FOXN1: variants seen among roughly 807,000 people sequenced by gnomAD.
FOXN1 encodes the protein forkhead box N1.
A neutral mutation model predicts 49.0 loss-of-function variants in FOXN1; 15 were observed. The ratio of observed to expected loss-of-function variants is 0.31; its 90% CI spans 0.20 to 0.47. The LOEUF (loss-of-function observed/expected upper bound fraction) is 0.47. Ranked by LOEUF, FOXN1 falls within the 20% of genes least tolerant of loss-of-function variation. The pLI is 1.00. For missense variants in FOXN1, 800 were observed against 842.8 expected (o/e 0.95, Z 0.63); for synonymous variants, 356 against 369.0 (o/e 0.96, Z 0.40).
intron 1 of FOXN1, among the ~76,000 whole-genome samples, chr17:28,506,743 C>T (rs1326598413): frequency 1.3e-5 from 2 of 152,174 alleles, no homozygotes; most frequent in Admixed American, 6.5e-5. Flanking sequence ...TGGAGATGCG[C>T]TCACCCACCC....
intron 1 of FOXN1, among the ~76,000 whole-genome samples, chr17:28,523,184 G>T (rs1357517003): frequency 6.6e-6 from 1 of 152,218 alleles, no homozygotes; most frequent in Non-Finnish European, 1.5e-5. Context: ...AAGGCTCTAG[G>T]TCTTCATGGG....
chr17:28,513,787 G>A (rs1175564495), intron 1 of FOXN1, among the ~76,000 whole-genome samples: 1 of 152,256 alleles, frequency 6.6e-6, no homozygotes, highest in Non-Finnish European at 1.5e-5. Context: ...CACTGTGAGT[G>A]CTTGGATTTG....
At chr17:28,535,593 A>G (rs1421526275) in intron 8 of FOXN1, among the ~76,000 whole-genome samples, 1 of 152,208 alleles carries the variant, frequency 6.6e-6, no homozygotes, top group Non-Finnish European at 1.5e-5. Context: ...CTATTTAAAA[A>G]TGCAAAAATT....
intron 2 of FOXN1, 107 bp downstream of exon 2, chr17:28,524,199 T>C: frequency 8.4e-7 from 1 of 1,187,398 alleles, no homozygotes; most frequent in Non-Finnish European, 1.2e-6. Context: ...AGGGCCTGTC[T>C]TGTCCCCTCC....
At chr17:28,515,545 G>A (rs2069476803) in intron 1 of FOXN1, among the ~76,000 whole-genome samples, 1 of 150,740 alleles carries the variant, frequency 6.6e-6, no homozygotes, top group Non-Finnish European at 1.5e-5. Context: ...ACCCCTCCAT[G>A]TGGTACATGC....
chr17:28,515,201 T>C (rs2151477727), intron 1 of FOXN1, among the ~76,000 whole-genome samples: 1 of 152,110 alleles, frequency 6.6e-6, no homozygotes, highest in Non-Finnish European at 1.5e-5. Flanking sequence ...TGCTGACAGC[T>C]CTGTGGGCCA....
chr17:28,530,673 C>A (rs2069889398), intron 5 of FOXN1, 76 bp from the exon 6 acceptor site: 10 of 821,444 alleles, frequency 1.2e-5, no homozygotes, highest in Non-Finnish European at 2.2e-5. Flanking sequence ...GAGCCTCTCA[C>A]CAGGGGTGGG....
At chr17:28,530,658 C>A in intron 5 of FOXN1, 91 bp from the exon 6 acceptor site, 1 of 777,362 alleles carries the variant, frequency 1.3e-6, no homozygotes, top group Middle Eastern at 3.0e-4. Flanking sequence ...ACCTCCAATC[C>A]CATAGAGCCT....
At chr17:28,535,781 G>A (rs113760759) in intron 8 of FOXN1, among the ~76,000 whole-genome samples, 3 of 152,194 alleles carry the variant, frequency 2.0e-5, no homozygotes, top group African/African-American at 7.2e-5. Flanking sequence ...CAGCTCTGGA[G>A]AGACTGCAAA....
At chr17:28,530,957 G>T in intron 6 of FOXN1, 112 bp downstream of exon 6, 1 of 734,336 alleles carries the variant, frequency 1.4e-6, no homozygotes, top group Non-Finnish European at 2.5e-6. Flanking sequence ...CGAAAGCCAG[G>T]AGAGGGCTTA....
chr17:28,508,751 C>T lies in FOXN1; in HGVS notation c.-15+2308C>T, dbSNP rs556015862. Among the ~76,000 whole-genome samples the T allele has an allele frequency of 1.2e-3, 178 of 152,244 alleles. 1 individual carries two copies. In the South Asian group the frequency reaches 0.013, roughly 11 times the overall value. Reference sequence around the variant, plus strand: ...CTGACTCCACATTCTGACGAAGTTGCGGTCCACTTCTGCCTGCCTCCCCAT... The same window carrying T: ...CTGACTCCACATTCTGACGAAGTTGTGGTCCACTTCTGCCTGCCTCCCCAT... On this transcript the variant is annotated intron_variant, in intron 1 of 8. Coordinates refer to ENST00000579795, the MANE Select transcript of FOXN1 (RefSeq NM_001369369.1).
rs753859856 is a variant in FOXN1, at chr17:28,537,299, G to T, written c.1810G>T (p.Gly604Cys). 1.2e-5 allele frequency: 19 copies of T among 1,613,710 alleles called. No homozygotes were observed. The South Asian group carries it at 2.1e-4, about 18-fold the overall frequency. Residue 604 changes from glycine (G) to cysteine (C), a missense_variant, in exon 9 of 9, where the codon GGC becomes TGC. Gly to Cys is a radical substitution (Grantham distance 159, BLOSUM62 -3). This residue lies in a region of FOXN1 where 344 missense variants were observed against 366.1 expected (regional missense o/e 0.94). Coordinates refer to ENST00000579795, the MANE Select transcript of FOXN1 (RefSeq NM_001369369.1). ...AGDLAAPGSG[G>C]SGALGDLHLT... The stretch of plus-strand genomic sequence containing the variant: ...TGACTTGGCAGCCCCGGGCAGTGGT[G>T]GCTCCGGGGCACTGGGTGACCTGCA...
intron 8 of FOXN1, among the ~76,000 whole-genome samples, chr17:28,536,272 A>G (rs1023246555): frequency 6.6e-6 from 1 of 152,238 alleles, no homozygotes; most frequent in Non-Finnish European, 1.5e-5. Context: ...GCAGGGCTCA[A>G]TCAGCCTCAG....
chr17:28,525,088 G>A (rs1021359777), intron 3 of FOXN1, 121 bp downstream of exon 3: 1 of 833,720 alleles, frequency 1.2e-6, no homozygotes, highest in South Asian at 1.5e-5. Flanking sequence ...TGCCACTCAA[G>A]ACCAGAGAGT....
intron 2 of FOXN1, 143 bp from the exon 3 acceptor site, chr17:28,524,360 T>G (rs1597550636): frequency 3.9e-6 from 3 of 775,138 alleles, no homozygotes; most frequent in Admixed American, 2.5e-5. Context: ...GGGCCAAGGG[T>G]AGGCTATTTC....
chr17:28,526,689 G>A (rs1393637782), intron 3 of FOXN1, among the ~76,000 whole-genome samples: 2 of 152,222 alleles, frequency 1.3e-5, no homozygotes, highest in African/African-American at 4.8e-5. Context: ...AGGAGTCAGA[G>A]CGGAGAGGAG....
At position 28,534,971 on chromosome 17, in the gene FOXN1, C is replaced by T. The variant is rs761946932; in HGVS notation, c.1400C>T (p.Pro467Leu). The change falls in exon 8 of 9, where the codon CCC (proline) becomes CTC (leucine). Residue 467 changes from proline (P) to leucine (L), a missense_variant. Pro to Leu is a moderately conservative substitution (Grantham distance 98). Coordinates refer to ENST00000579795, the MANE Select transcript of FOXN1 (RefSeq NM_001369369.1). The surrounding 1 kb of genome is among the most constrained non-coding windows in gnomAD (Gnocchi z 4.1). ...TCACCAGGCCTGGCCCCTCCTGGAC[C>T]CCCGCAGCCATTGTTCCCACAGCCG... is the stretch of plus-strand genomic sequence containing the variant. Reference protein sequence around the residue: ...HLSPGLAPPGPPQPLFPQPDG... With the variant: ...HLSPGLAPPGLPQPLFPQPDG... 27 of 1,613,966 alleles carry T rather than the reference C, an allele frequency of 1.7e-5. No individual in the cohort carries two copies. The Admixed American group carries it at 4.5e-4, about 27-fold the overall frequency.
rs778308293 is a variant in FOXN1 at position 28,524,813 on chromosome 17, AAGGACACTCCTTTAAGACCCC to A, written c.438_458del (p.His147_Gly153del). ...GAGGCCGAGACCACCCTGGCCCTCAAAGGACACTCCTTTAAGACCCCAGGGCCGCTGGAGGCCTTCGAGGAG... is the reference window on the plus strand; with the variant it reads ...GAGGCCGAGACCACCCTGGCCCTCAAAGGGCCGCTGGAGGCCTTCGAGGAG... On this transcript the variant is annotated inframe_deletion, in exon 3 of 9. Coordinates refer to ENST00000579795, the MANE Select transcript of FOXN1 (RefSeq NM_001369369.1). 3.7e-6 allele frequency: 6 copies of A among 1,613,640 alleles called. No homozygotes were observed. In the Admixed American group the frequency reaches 1.0e-4, roughly 27 times the overall value.
intron 1 of FOXN1, among the ~76,000 whole-genome samples, chr17:28,513,098 A>G (rs1406776825): frequency 1.3e-5 from 2 of 152,172 alleles, no homozygotes. Flanking sequence ...GCAAAACCCC[A>G]TCTCTGCTAA....
Sources: allele counts gnomAD v4.1 joint callset (sites outside exome capture counted in the v4.1 genomes callset), GRCh38; gene constraint gnomAD v4.1.1; regional missense constraint gnomAD v4.1.1; non-coding constraint Gnocchi (gnomAD v3.1); transcripts MANE v1.5; gene names NCBI Gene and HGNC (gene_info 2026-07-23, HGNC 2026-07-21).